IL1RAPL1: variants seen among roughly 807,000 people sequenced by gnomAD.
IL1RAPL1 encodes interleukin-1 receptor accessory protein-like 1.
Under a neutral mutation model 48.4 loss-of-function variants are expected in IL1RAPL1, and 3 were observed. The ratio of observed to expected loss-of-function variants is 0.06; its 90% CI spans 0.03 to 0.16. The LOEUF (loss-of-function observed/expected upper bound fraction) is 0.16, where lower values mean the gene tolerates loss of function less well. IL1RAPL1 is among the 10% of genes least tolerant of loss of function. The pLI is 1.00. For synonymous variants in IL1RAPL1, 185 were observed against 187.7 expected, an observed-to-expected ratio of 0.99 and a Z score of 0.12; for missense variants, 349 against 530.6, an observed-to-expected ratio of 0.66 and a Z score of 3.36.
At chrX:29,186,300 A>G (rs1358273193) in intron 2 of IL1RAPL1, among the ~76,000 whole-genome samples, 1 of 112,082 alleles carries the variant, frequency 8.9e-6, no homozygotes, top group Admixed American at 9.5e-5. Flanking sequence ...CTTTGTGACC[A>G]ACTTGGACAG....
At chrX:29,339,157 G>A (rs1489316188) in intron 3 of IL1RAPL1, among the ~76,000 whole-genome samples, 1 of 110,054 alleles carries the variant, frequency 9.1e-6, no homozygotes, top group Non-Finnish European at 1.9e-5. Context: ...ATGACACTGT[G>A]ATAAAAATTG....
intron 3 of IL1RAPL1, among the ~76,000 whole-genome samples, chrX:29,291,484 C>A (rs1368324908): frequency 9.0e-6 from 1 of 110,958 alleles, no homozygotes; most frequent in Non-Finnish European, 1.9e-5. Context: ...TATACATGTG[C>A]CATGGTGGTT....
chrX:29,346,155 A>T (rs1206227498), intron 3 of IL1RAPL1, among the ~76,000 whole-genome samples: 1 of 112,223 alleles, frequency 8.9e-6, no homozygotes, highest in African/African-American at 3.2e-5. Flanking sequence ...TGTCTCCCTT[A>T]TAAGGACCAT....
chrX:29,429,687 T>C (rs1326624830), intron 5 of IL1RAPL1, among the ~76,000 whole-genome samples: 1 of 110,992 alleles, frequency 9.0e-6, no homozygotes, highest in Non-Finnish European at 1.9e-5. Context: ...TACTTTTTCT[T>C]TCTCCAGATC....
chrX:28,653,683 A>G (rs1050428637), intron 1 of IL1RAPL1, among the ~76,000 whole-genome samples: 2 of 111,593 alleles, frequency 1.8e-5, no homozygotes, highest in African/African-American at 6.5e-5. Flanking sequence ...TAAGATGACA[A>G]TAGCAATCCA....
At chrX:29,669,688 A>G (rs1926093220) in intron 6 of IL1RAPL1, among the ~76,000 whole-genome samples, 1 of 111,625 alleles carries the variant, frequency 9.0e-6, no homozygotes, top group Admixed American at 9.5e-5. Context: ...CAGGGTGTTA[A>G]TATCTTTCTT....
intron 6 of IL1RAPL1, among the ~76,000 whole-genome samples, chrX:29,892,453 C>G (rs1227050698): frequency 8.9e-6 from 1 of 112,322 alleles, no homozygotes; most frequent in Non-Finnish European, 1.9e-5. Flanking sequence ...TAGATGCACT[C>G]ATTGTTTGCA....
chrX:28,933,376 G>A lies in IL1RAPL1; in HGVS notation c.82+143951G>A, dbSNP rs1366441347. Among the ~76,000 whole-genome samples, 5 of 111,392 alleles carry A rather than the reference G, an allele frequency of 4.5e-5. No individual in the cohort carries two copies. In the Admixed American group the frequency reaches 4.8e-4, roughly 11 times the overall value. On this transcript the variant is annotated intron_variant, in intron 2 of 10. Transcript: ENST00000378993. The stretch of plus-strand genomic sequence containing the variant: ...TTTCTGAAACTGTGTAAACACTCTT[G>A]TAAAAACACAGTGTAGAGTCACTGT...
intron 3 of IL1RAPL1, among the ~76,000 whole-genome samples, chrX:29,390,336 T>C (rs1933838475): frequency 9.0e-6 from 1 of 111,406 alleles, no homozygotes; most frequent in Non-Finnish European, 1.9e-5. Flanking sequence ...TTGAAAAATA[T>C]TATGTGCCTT....
intron 2 of IL1RAPL1, among the ~76,000 whole-genome samples, chrX:28,992,078 A>G (rs1345727734): frequency 8.9e-6 from 1 of 112,367 alleles, no homozygotes; most frequent in Non-Finnish European, 1.9e-5. Flanking sequence ...TAGATAGAAT[A>G]TAAAACTTGG....
At chrX:29,319,160 G>GTCTGCCTGTCTATCTATCTATCTATCTA (rs370282992) in intron 3 of IL1RAPL1, among the ~76,000 whole-genome samples, 1 of 84,988 alleles carries the variant, frequency 1.2e-5, no homozygotes. Flanking sequence ...CTATCTGTCT[G>GTCTGCCTGTCTATCTATCTATCTATCTA]TCTATCTATC....
rs1206250064 is a variant in IL1RAPL1 at position 29,438,926 on chromosome X, T to C, written c.703+39618T>C. On this transcript the variant is annotated intron_variant, in intron 5 of 10. Transcript: ENST00000378993. ...CAGTCAGTAGATTTGGATCTCTAGA[T>C]CCTGAAGAATCTTGCCATGTACACA... 4.5e-5 allele frequency among the ~76,000 whole-genome samples: 5 copies of C among 110,909 alleles called. No homozygotes were observed. The South Asian group carries it at 1.1e-3, about 25-fold the overall frequency.
At chrX:28,712,115 A>G (rs1935448421) in intron 1 of IL1RAPL1, among the ~76,000 whole-genome samples, 1 of 111,307 alleles carries the variant, frequency 9.0e-6, no homozygotes, top group African/African-American at 3.3e-5. Flanking sequence ...AGAAAGTCTG[A>G]TGAATTGCTG....
intron 1 of IL1RAPL1, among the ~76,000 whole-genome samples, chrX:28,764,905 A>G (rs958875932): frequency 7.2e-5 from 8 of 110,394 alleles, no homozygotes; most frequent in Non-Finnish European, 1.5e-4. Context: ...AACCAACCCA[A>G]ATGTCCATCA....
chrX:29,350,257 C>A (rs1433784887), intron 3 of IL1RAPL1, among the ~76,000 whole-genome samples: 4 of 82,989 alleles, frequency 4.8e-5, no homozygotes, highest in Non-Finnish European at 8.7e-5. Context: ...GATACACCCC[C>A]CCCCCCACCT....
At chrX:28,925,344 A>G (rs892616655) in intron 2 of IL1RAPL1, among the ~76,000 whole-genome samples, 5 of 111,767 alleles carry the variant, frequency 4.5e-5, no homozygotes, top group South Asian at 3.7e-4. Flanking sequence ...ATCATTCGTG[A>G]TACATGACCG....
At position 29,502,848 on chromosome X, in the gene IL1RAPL1, A is replaced by T. The variant is rs183521916; in HGVS notation, c.703+103540A>T. 8.0e-3 allele frequency among the ~76,000 whole-genome samples: 889 copies of T among 111,252 alleles called. 3 individuals carry two copies. The highest frequency in any genetic ancestry group is 0.026 in the African/African-American group (793 of 30,702). On this transcript the variant is annotated intron_variant, in intron 5 of 10. Transcript: ENST00000378993. ...GTTTGGAAGTATTTTCTTTTTGTCA[A>T]TTTTTTTGAAGAATGTAAATAGAAT... is the stretch of plus-strand genomic sequence containing the variant.
chrX:29,103,790 CAA>C (rs1928393101), intron 2 of IL1RAPL1, among the ~76,000 whole-genome samples: 1 of 111,289 alleles, frequency 9.0e-6, no homozygotes, highest in Admixed American at 9.5e-5. Context: ...AATTAATAAT[CAA>C]ATTTTAAAAT....
rs746642870 is a variant in IL1RAPL1, at chrX:29,849,905, G to C, written c.779-67559G>C. 2.0e-3 allele frequency among the ~76,000 whole-genome samples: 228 copies of C among 111,975 alleles called. 1 individual carries two copies. The highest frequency in any genetic ancestry group is 3.5e-3 in the Non-Finnish European group (185 of 53,157). On this transcript the variant is annotated intron_variant, in intron 6 of 10. Transcript: ENST00000378993. ...CAGATTGTTAAAATGACCTCAACAT[G>C]ACAGAATTGAGTTGGGGAGGGTGTC...
Sources: gnomAD v4.1 joint callset for allele counts (sites outside exome capture counted in the v4.1 genomes callset) on GRCh38, gnomAD v4.1.1 for gene constraint, MANE v1.5 for transcripts, NCBI Gene and HGNC (gene_info 2026-07-23, HGNC 2026-07-21) for gene names.